HDAC4: variants seen among roughly 807,000 people sequenced by gnomAD.
HDAC4 encodes the protein histone deacetylase A.
Under a neutral mutation model 135.1 loss-of-function variants are expected in HDAC4, and 16 were observed. That is an observed-to-expected ratio of 0.12 (90% confidence interval 0.08 to 0.18). The LOEUF (loss-of-function observed/expected upper bound fraction) is 0.18, where lower values mean the gene tolerates loss of function less well. HDAC4 is among the 10% of genes least tolerant of loss of function. The pLI is 1.00. For missense variants in HDAC4, 1,143 were observed against 1,511.8 expected (o/e 0.76, Z 4.05); for synonymous variants, 685 against 653.4 (o/e 1.05, Z -0.74).
chr2:239,050,905 C>A lies in HDAC4; in HGVS notation c.*2192G>T, dbSNP rs1439769209. ...TGCAGGTTCACCAGGCAACAAGGGT[C>A]CCTGGGTTCCTTGCAGCCACAGGCT... On this transcript the variant is annotated 3_prime_UTR_variant, in exon 27 of 27. Coordinates refer to ENST00000543185, the MANE Select transcript of HDAC4 (RefSeq NM_001378414.1). 1 of 152,608 alleles carries A rather than the reference C, an allele frequency of 6.6e-6. No homozygotes were observed. 9.5% of individuals were successfully genotyped at this position (152,608 alleles called of 1,614,324 possible).
At chr2:239,191,852 G>C (rs1030885549) in intron 3 of HDAC4, among the ~76,000 whole-genome samples, 3 of 152,186 alleles carry the variant, frequency 2.0e-5, no homozygotes, top group Admixed American at 2.0e-4. Context: ...CCACTTTCCT[G>C]GACAGTGAAA....
intron 4 of HDAC4, 120 bp downstream of exon 4, chr2:239,189,713 C>CT (rs2044784989): frequency 2.1e-6 from 2 of 934,022 alleles, no homozygotes; most frequent in Non-Finnish European, 1.7e-6. Flanking sequence ...AGAAGGCCTC[C>CT]TGCAGGAACC....
chr2:239,281,973 ACAC>A (rs2050793900), intron 2 of HDAC4, among the ~76,000 whole-genome samples: 1 of 150,250 alleles, frequency 6.7e-6, no homozygotes, highest in Non-Finnish European at 1.5e-5. Context: ...TACAATGAAC[ACAC>A]CACTCTACAC....
At chr2:239,389,595 G>A (rs1223328109) in intron 1 of HDAC4, among the ~76,000 whole-genome samples, 1 of 152,126 alleles carries the variant, frequency 6.6e-6, no homozygotes, top group African/African-American at 2.4e-5. Flanking sequence ...CCTCCTAGAG[G>A]CCCGCTAAGG....
rs193071830 is a variant in HDAC4 at position 239,089,315 on chromosome 2, T to A, written c.2388+694A>T. 1.2e-4 allele frequency among the ~76,000 whole-genome samples: 18 copies of A among 152,292 alleles called. No homozygotes were observed. The East Asian group carries it at 3.3e-3, about 28-fold the overall frequency. On this transcript the variant is annotated intron_variant, in intron 18 of 26. Transcript: ENST00000543185. ...CAAGACATTAGTGCTATTTTTATTT[T>A]TTTATTACTTTTTAATTTTTTAGTT...
intron 7 of HDAC4, among the ~76,000 whole-genome samples, chr2:239,151,072 CAG>C (rs2152933865): frequency 6.6e-6 from 1 of 152,388 alleles, no homozygotes; most frequent in African/African-American, 2.4e-5. Context: ...CAGAGGCAAA[CAG>C]AGAGCCCCTT....
intron 2 of HDAC4, among the ~76,000 whole-genome samples, chr2:239,279,863 A>G (rs540690130): frequency 2.6e-5 from 4 of 152,312 alleles, no homozygotes; most frequent in African/African-American, 9.6e-5. Context: ...CGCCTTCCCC[A>G]GGACCCTTCC....
At chr2:239,359,273 C>A (rs1007646252) in intron 1 of HDAC4, among the ~76,000 whole-genome samples, 9 of 152,252 alleles carry the variant, frequency 5.9e-5, no homozygotes, top group African/African-American at 2.2e-4. Context: ...CTTCCACCTA[C>A]ACTGAAACGT....
intron 1 of HDAC4, among the ~76,000 whole-genome samples, chr2:239,383,010 G>A (rs1340814537): frequency 5.9e-5 from 9 of 152,136 alleles, no homozygotes; most frequent in South Asian, 2.1e-4. Flanking sequence ...GATTACAGGC[G>A]TGAGCAACAG....
intron 3 of HDAC4, among the ~76,000 whole-genome samples, chr2:239,213,245 G>GC (rs11432561): frequency 1 from 151,684 of 151,692 alleles, 75,838 homozygotes; most frequent in Middle Eastern, 1. Flanking sequence ...GGCGGGCGGG[G>GC]CACAGCCACA....
chr2:239,096,093 C>T (rs974029087), intron 16 of HDAC4, among the ~76,000 whole-genome samples: 1 of 152,176 alleles, frequency 6.6e-6, no homozygotes, highest in African/African-American at 2.4e-5. Context: ...CTGGTCCACG[C>T]TCCTAGGGCT....
chr2:239,317,578 C>A (rs1478865440), intron 2 of HDAC4, among the ~76,000 whole-genome samples: 1 of 152,006 alleles, frequency 6.6e-6, no homozygotes, highest in African/African-American at 2.4e-5. Flanking sequence ...ACAATTTGGG[C>A]AGCAGAATAG....
chr2:239,295,704 T>A (rs916337912), intron 2 of HDAC4, among the ~76,000 whole-genome samples: 1 of 152,158 alleles, frequency 6.6e-6, no homozygotes, highest in Non-Finnish European at 1.5e-5. Context: ...ACCATTCCCG[T>A]TCAGTTTCAT....
At position 239,303,439 on chromosome 2, in the gene HDAC4, G is replaced by T. The variant is rs768619654; in HGVS notation, c.22+49239C>A. 3.9e-5 allele frequency among the ~76,000 whole-genome samples: 6 copies of T among 151,962 alleles called. No homozygotes were observed. Among genetic ancestry groups the T allele is most frequent in the Non-Finnish European group, 8.8e-5 (6 of 68,000 alleles). ...GAGCACTCGTGGTGTGGCCCACAGG[G>T]CATCCTGCGAGAGCGTCACAAGCAC... On this transcript the variant is annotated intron_variant, in intron 2 of 26. Transcript: ENST00000543185. The surrounding 1 kb of genome is among the most constrained non-coding windows in gnomAD (Gnocchi z 5.1).
Position 239,240,191 on chromosome 2 carries a change from G to A in HDAC4, c.23-3527C>T, listed in dbSNP as rs1559271076. On this transcript the variant is annotated intron_variant, in intron 2 of 26. Transcript: ENST00000543185. This position sits in a 1 kb window ranked among gnomAD's most constrained non-coding sequence, Gnocchi z 4.5. ...GTGGCGGTGAGTGCACTTTGCAGGCGCAGGGGCCACCAGGCCTGGGAAAGA... is the reference window on the plus strand; with the variant it reads ...GTGGCGGTGAGTGCACTTTGCAGGCACAGGGGCCACCAGGCCTGGGAAAGA... Among the ~76,000 whole-genome samples the A allele has an allele frequency of 6.6e-6, 1 of 152,240 alleles. No individual in the cohort carries two copies. The highest frequency in any genetic ancestry group is 1.5e-5 in the Non-Finnish European group (1 of 68,034).
chr2:239,241,769 A>G (rs1345638776), intron 2 of HDAC4, among the ~76,000 whole-genome samples: 2 of 152,114 alleles, frequency 1.3e-5, no homozygotes, highest in Admixed American at 1.3e-4. Context: ...ATGTTTTCCT[A>G]TGATAACAGC....
At chr2:239,263,258 C>G (rs1352461774) in intron 2 of HDAC4, among the ~76,000 whole-genome samples, 3 of 149,614 alleles carry the variant, frequency 2.0e-5, no homozygotes, top group African/African-American at 4.9e-5. Flanking sequence ...GAAGCCCGCC[C>G]TGAGGACCCC....
At chr2:239,209,758 G>A (rs2153093738) in intron 3 of HDAC4, among the ~76,000 whole-genome samples, 1 of 152,328 alleles carries the variant, frequency 6.6e-6, no homozygotes, top group Non-Finnish European at 1.5e-5. Context: ...AACTGACAAA[G>A]GACCTGTATC....
intron 2 of HDAC4, among the ~76,000 whole-genome samples, chr2:239,347,703 C>T (rs559055010): frequency 6.6e-6 from 1 of 152,182 alleles, no homozygotes; most frequent in Admixed American, 6.5e-5. Flanking sequence ...TTAGTAGAGA[C>T]GGGGTTTGAC....
Sources: allele counts gnomAD v4.1 joint callset (sites outside exome capture counted in the v4.1 genomes callset), GRCh38; gene constraint gnomAD v4.1.1; non-coding constraint Gnocchi (gnomAD v3.1); transcripts MANE v1.5; gene names NCBI Gene and HGNC (gene_info 2026-07-23, HGNC 2026-07-21).